The following MTHFS variants were observed in gnomAD, a reference collection of about 807,000 sequenced individuals.
MTHFS encodes the protein methenyltetrahydrofolate synthetase, also known as 5-formyltetrahydrofolate cyclo-ligase.
Under a neutral mutation model 12.7 loss-of-function variants are expected in MTHFS, and 7 were observed. The observed-to-expected ratio is 0.55, with a 90% CI of 0.31 to 1.03. The LOEUF (loss-of-function observed/expected upper bound fraction) is 1.03. Ranked by LOEUF, MTHFS falls within the 50% of genes least tolerant of loss-of-function variation. The pLI is 0.05. For synonymous variants in MTHFS, 100 were observed against 97.1 expected, an observed-to-expected ratio of 1.03 and a Z score of -0.18; for missense variants, 252 against 258.1, an observed-to-expected ratio of 0.98 and a Z score of 0.16.
intron 2 of MTHFS, among the ~76,000 whole-genome samples, chr15:79,847,669 C>CAAAAA (rs55956333): frequency 1.3e-5 from 1 of 75,388 alleles, no homozygotes; most frequent in South Asian, 5.4e-4. Context: ...GACTCCGTCT[C>CAAAAA]AAAAAAAAAA....
At chr15:79,891,443 A>T (rs533897631) in intron 1 of MTHFS, among the ~76,000 whole-genome samples, 4 of 152,366 alleles carry the variant, frequency 2.6e-5, no homozygotes, top group Non-Finnish European at 4.4e-5. Context: ...AGATAACTGC[A>T]TTTCTAAAAT....
intron 2 of MTHFS, among the ~76,000 whole-genome samples, chr15:79,855,325 G>C (rs911228073): frequency 9.9e-5 from 15 of 152,284 alleles, no homozygotes; most frequent in African/African-American, 3.6e-4. Context: ...ATCAGCAGTA[G>C]CTTAATATAA....
In MTHFS at chr15:79,845,312, G is replaced by T. The variant is rs747689133; in HGVS notation, c.510C>A (p.Thr170=). ...CLQHQEVKPY[T]LALAFKEQIC... ...TCTGTTCTTTGAAAGCCAACGCCAG[G>T]GTGTAGGGCTTCACTTCCTGATGCT... Residue 170 remains threonine, a synonymous_variant, in exon 3 of 3, where the codon ACC becomes ACA. Transcript: ENST00000258874. 1.2e-6 allele frequency: 2 copies of T among 1,614,018 alleles called. No homozygotes were observed. The highest frequency in any genetic ancestry group is 2.7e-5 in the African/African-American group (2 of 74,898).
intron 2 of MTHFS, among the ~76,000 whole-genome samples, chr15:79,880,791 C>CAAAAAAAAAAAAAAAAA (rs200480158): frequency 9.4e-6 from 1 of 106,744 alleles, no homozygotes. Flanking sequence ...AGTAGTAAAG[C>CAAAAAAAAAAAAAAAAA]AAAAAAAAAA....
intron 2 of MTHFS, among the ~76,000 whole-genome samples, chr15:79,883,668 C>A (rs1430708418): frequency 6.7e-6 from 1 of 150,106 alleles, no homozygotes; most frequent in Non-Finnish European, 1.5e-5. Flanking sequence ...ACAAGGCGAA[C>A]TGTACTAGGC....
intron 2 of MTHFS, among the ~76,000 whole-genome samples, chr15:79,859,927 A>C (rs2033881464): frequency 6.6e-6 from 1 of 152,156 alleles, no homozygotes. Context: ...CAAAATACTA[A>C]GATAAAATGA....
At chr15:79,896,731 G>A (rs1334562771) in intron 1 of MTHFS, 141 bp downstream of exon 1, 2 of 962,918 alleles carry the variant, frequency 2.1e-6, no homozygotes, top group African/African-American at 3.0e-5. Flanking sequence ...CGCGCGCCGG[G>A]AGGGGAAACG....
intron 2 of MTHFS, chr15:79,877,421 C>A (rs1214147239): frequency 1.3e-5 from 2 of 152,100 alleles, no homozygotes; most frequent in African/African-American, 2.4e-5. Context: ...TCTACACATG[C>A]CAGGCACGGT....
At chr15:79,870,894 G>A (rs2034092082) in intron 2 of MTHFS, among the ~76,000 whole-genome samples, 1 of 152,206 alleles carries the variant, frequency 6.6e-6, no homozygotes, top group African/African-American at 2.4e-5. Context: ...TGTATTCCCA[G>A]CACTTTGGGA....
At chr15:79,874,002 G>GTT (rs1365824824) in intron 2 of MTHFS, among the ~76,000 whole-genome samples, 1 of 152,194 alleles carries the variant, frequency 6.6e-6, no homozygotes, top group Non-Finnish European at 1.5e-5. Context: ...TTGGCAGAGA[G>GTT]TAACAGCCAA....
chr15:79,883,021 C>G (rs1189088854), intron 2 of MTHFS, among the ~76,000 whole-genome samples: 2 of 152,192 alleles, frequency 1.3e-5, no homozygotes, highest in Non-Finnish European at 2.9e-5. Flanking sequence ...GCCTGGGCAA[C>G]AGAGTAGACG....
chr15:79,860,117 T>C (rs998889825), intron 2 of MTHFS, among the ~76,000 whole-genome samples: 3 of 151,860 alleles, frequency 2.0e-5, no homozygotes, highest in Non-Finnish European at 2.9e-5. Context: ...TGGCCAGGCG[T>C]GGTGGCTCAC....
chr15:79,845,546 T>G (rs1192130365), intron 2 of MTHFS, 104 bp from the exon 3 acceptor site: 1 of 1,425,416 alleles, frequency 7.0e-7, no homozygotes, highest in Admixed American at 2.5e-5. Context: ...CTCTGATTTC[T>G]AAAAACAATG....
In MTHFS at chr15:79,852,973, T is replaced by C. The variant is rs528900288; in HGVS notation, c.380-7531A>G. On this transcript the variant is annotated intron_variant, in intron 2 of 2. Transcript: ENST00000258874. ...GAAATGTGGATAATATTTAGTGACTTGGCTGCTGAAGATCTCACAGCAGCA... is the reference window on the plus strand; with the variant it reads ...GAAATGTGGATAATATTTAGTGACTCGGCTGCTGAAGATCTCACAGCAGCA... Among the ~76,000 whole-genome samples, 5 of 152,342 alleles carry C rather than the reference T, an allele frequency of 3.3e-5. No homozygotes were observed. In the East Asian group the frequency reaches 9.6e-4, roughly 29 times the overall value.
chr15:79,892,747 TC>T (rs1398520961), intron 1 of MTHFS, among the ~76,000 whole-genome samples: 1 of 151,604 alleles, frequency 6.6e-6, no homozygotes, highest in East Asian at 1.9e-4. Context: ...GGTCAAGAGG[TC>T]GAGACCATCC....
At chr15:79,893,269 G>A (rs1034666078) in intron 1 of MTHFS, among the ~76,000 whole-genome samples, 28 of 151,806 alleles carry the variant, frequency 1.8e-4, no homozygotes, top group African/African-American at 6.5e-4. Context: ...CAGGCGTGGC[G>A]GCAGGCGCCT....
chr15:79,868,455 T>C (rs1464286508), intron 2 of MTHFS, among the ~76,000 whole-genome samples: 2 of 152,204 alleles, frequency 1.3e-5, no homozygotes, highest in Non-Finnish European at 2.9e-5. Flanking sequence ...GAGAGGTATT[T>C]CTTGGTGTGA....
intron 2 of MTHFS, among the ~76,000 whole-genome samples, chr15:79,887,851 T>A (rs2034407440): frequency 6.6e-6 from 1 of 152,134 alleles, no homozygotes; most frequent in Non-Finnish European, 1.5e-5. Flanking sequence ...GTGCCTAACA[T>A]CTAGCAAAGC....
At chr15:79,890,578 AAAAAG>A (rs1244662113) in intron 1 of MTHFS, among the ~76,000 whole-genome samples, 4 of 152,072 alleles carry the variant, frequency 2.6e-5, no homozygotes, top group Non-Finnish European at 5.9e-5. Flanking sequence ...TCTCCAAACT[AAAAAG>A]AAAAGAATAC....
Sources: gnomAD v4.1 joint callset for allele counts (sites outside exome capture counted in the v4.1 genomes callset) on GRCh38, gnomAD v4.1.1 for gene constraint, MANE v1.5 for transcripts, NCBI Gene and HGNC (gene_info 2026-07-23, HGNC 2026-07-21) for gene names.